The following PTPN14 variants were observed in gnomAD, a reference collection of about 807,000 sequenced individuals.
The protein encoded by PTPN14 is tyrosine-protein phosphatase non-receptor type 14.
PTPN14 carries 53 observed loss-of-function variants against 126.8 expected under a neutral mutation model. The ratio of observed to expected loss-of-function variants is 0.42; its 90% CI spans 0.34 to 0.53. The LOEUF (loss-of-function observed/expected upper bound fraction) is 0.53. PTPN14 is among the 20% of genes least tolerant of loss of function. The pLI is 0.08. For missense variants in PTPN14, 1,257 were observed against 1,552.9 expected, an observed-to-expected ratio of 0.81 and a Z score of 3.20; for synonymous variants, 630 against 599.3, an observed-to-expected ratio of 1.05 and a Z score of -0.75.
intron 1 of PTPN14, among the ~76,000 whole-genome samples, chr1:214,535,172 G>A (rs576079605): frequency 5.9e-5 from 9 of 152,202 alleles, no homozygotes; most frequent in African/African-American, 2.2e-4. Context: ...TGTCAATGAA[G>A]TATCTGTTTA....
chr1:214,418,289 A>G (rs1388458341), intron 3 of PTPN14, among the ~76,000 whole-genome samples: 3 of 152,250 alleles, frequency 2.0e-5, no homozygotes, highest in Non-Finnish European at 2.9e-5. Context: ...GGTGGGCAGC[A>G]AATAAACCTT....
chr1:214,505,544 G>A (rs572398283), intron 1 of PTPN14, among the ~76,000 whole-genome samples: 2 of 152,286 alleles, frequency 1.3e-5, no homozygotes, highest in South Asian at 4.1e-4. Flanking sequence ...AGCAGCCTCA[G>A]AACTTTCTCA....
chr1:214,396,897 A>G (rs1160239621), intron 8 of PTPN14, among the ~76,000 whole-genome samples: 1 of 152,234 alleles, frequency 6.6e-6, no homozygotes, highest in Non-Finnish European at 1.5e-5. Flanking sequence ...GCACATATTT[A>G]CATATTTTCC....
intron 8 of PTPN14, among the ~76,000 whole-genome samples, chr1:214,396,853 T>C (rs887824900): frequency 3.3e-5 from 5 of 152,214 alleles, no homozygotes; most frequent in African/African-American, 7.2e-5. Flanking sequence ...CTGGATAGCT[T>C]TGAATGGGTA....
rs992941500 is a variant in PTPN14 at position 214,492,183 on chromosome 1, T to TA, written c.-154-27227dup. On this transcript the variant is annotated intron_variant, in intron 1 of 18. Coordinates refer to ENST00000366956, the MANE Select transcript of PTPN14 (RefSeq NM_005401.5). ...CCTATCAAATGCAGGATACTGTGTT[T>TA]AAAAAAAAAAAGAAAAAGAAAAACT... Among the ~76,000 whole-genome samples the TA allele has an allele frequency of 3.6e-3, 520 of 145,546 alleles. 2 individuals carry two copies. Among genetic ancestry groups the TA allele is most frequent in the Non-Finnish European group, 5.9e-3 (390 of 65,890 alleles).
intron 1 of PTPN14, among the ~76,000 whole-genome samples, chr1:214,533,870 G>GA (rs946834434): frequency 1.3e-4 from 18 of 142,234 alleles, no homozygotes; most frequent in East Asian, 4.2e-4. Flanking sequence ...GAGAGAAAAA[G>GA]AAAAAAAAAA....
chr1:214,472,132 T>C (rs184259089), intron 1 of PTPN14, among the ~76,000 whole-genome samples: 164 of 152,330 alleles, frequency 1.1e-3, no homozygotes, highest in Non-Finnish European at 2.0e-3. Flanking sequence ...ATGTTTCTCA[T>C]TGATATGGTT....
In PTPN14 at chr1:214,484,702, C is replaced by T. The variant is rs969809875; in HGVS notation, c.-154-19745G>A. On this transcript the variant is annotated intron_variant, in intron 1 of 18. Transcript: ENST00000366956. ...ACAAGGTACCAGGTGTTTTGTTTTG[C>T]GAGGGAAATGGGTAGGTTATGGGTA... 2.6e-5 allele frequency among the ~76,000 whole-genome samples: 4 copies of T among 152,126 alleles called. 1 individual carries two copies. Among genetic ancestry groups the T allele is most frequent in the South Asian group, 2.1e-4 (1 of 4,828 alleles).
intron 3 of PTPN14, among the ~76,000 whole-genome samples, chr1:214,417,912 C>T (rs1400764655): frequency 6.6e-6 from 1 of 152,134 alleles, no homozygotes; most frequent in Non-Finnish European, 1.5e-5. Flanking sequence ...AAAGCCTTGG[C>T]ATCTGATTTT....
In PTPN14 at chr1:214,523,850, C is replaced by CTTTTT. The variant is rs1286518641; in HGVS notation, c.-155+27328_-155+27332dup. Among the ~76,000 whole-genome samples, 430 of 134,470 alleles carry CTTTTT rather than the reference C, an allele frequency of 3.2e-3. 7 individuals are homozygous for CTTTTT. The highest frequency in any genetic ancestry group is 0.01 in the African/African-American group (362 of 35,966). 88.2% of individuals were successfully genotyped at this position (134,470 alleles called of 152,430 possible). A position where few individuals can be genotyped will look rare whatever the true frequency, so the allele number is the denominator to read the frequency against. On this transcript the variant is annotated intron_variant, in intron 1 of 18. Coordinates refer to ENST00000366956, the MANE Select transcript of PTPN14 (RefSeq NM_005401.5). ...AATAGTATTTGAGAGTAATCAGATTCTTTTTTTTTTTTTTTTTGAGATAGA... is the reference window on the plus strand; with the variant it reads ...AATAGTATTTGAGAGTAATCAGATTCTTTTTTTTTTTTTTTTTTTTTTGAGATAGA...
intron 1 of PTPN14, among the ~76,000 whole-genome samples, chr1:214,496,296 C>T (rs1417974433): frequency 6.6e-6 from 1 of 152,152 alleles, no homozygotes; most frequent in Non-Finnish European, 1.5e-5. Context: ...GAAGGTCACA[C>T]TGCGGAACAT....
chr1:214,381,140 G>A (rs1348265664), intron 13 of PTPN14, among the ~76,000 whole-genome samples: 1 of 152,196 alleles, frequency 6.6e-6, no homozygotes, highest in African/African-American at 2.4e-5. Flanking sequence ...ATAATGCAAG[G>A]AGCTCTAAGG....
chr1:214,402,273 A>G (rs1460182778), intron 6 of PTPN14, among the ~76,000 whole-genome samples: 1 of 151,632 alleles, frequency 6.6e-6, no homozygotes, highest in African/African-American at 2.4e-5. Flanking sequence ...CCCCATCTCC[A>G]CTAAAAATAC....
chr1:214,479,475 G>T (rs1156363125), intron 1 of PTPN14, among the ~76,000 whole-genome samples: 2 of 151,896 alleles, frequency 1.3e-5, no homozygotes, highest in Non-Finnish European at 2.9e-5. Context: ...AAGTAGCTGG[G>T]ATTACAGGCG....
At chr1:214,547,114 C>T (rs1655992435) in intron 1 of PTPN14, among the ~76,000 whole-genome samples, 1 of 152,148 alleles carries the variant, frequency 6.6e-6, no homozygotes, top group Non-Finnish European at 1.5e-5. Context: ...TGCATCATAT[C>T]CTTTAATTCA....
intron 6 of PTPN14, 113 bp downstream of exon 6, chr1:214,402,770 T>C (rs1356753632): frequency 8.4e-6 from 10 of 1,188,924 alleles, no homozygotes; most frequent in Non-Finnish European, 1.2e-5. Context: ...GTGGAATAAA[T>C]ACAAGTGTGT....
chr1:214,533,223 G>T, intron 1 of PTPN14: 1 of 669,070 alleles, frequency 1.5e-6, no homozygotes. Context: ...CGTCAGGGCT[G>T]GCCCAGACCC....
At chr1:214,498,708 G>A (rs1159550031) in intron 1 of PTPN14, among the ~76,000 whole-genome samples, 1 of 152,150 alleles carries the variant, frequency 6.6e-6, no homozygotes, top group East Asian at 1.9e-4. Context: ...ATATATTGCT[G>A]ATAATTTGGT....
At chr1:214,499,227 G>A (rs1375664688) in intron 1 of PTPN14, among the ~76,000 whole-genome samples, 4 of 152,108 alleles carry the variant, frequency 2.6e-5, no homozygotes, top group Non-Finnish European at 5.9e-5. Context: ...CCACAGAGAG[G>A]TTATGTGGAC....
Sources: allele counts gnomAD v4.1 joint callset (sites outside exome capture counted in the v4.1 genomes callset), GRCh38; gene constraint gnomAD v4.1.1; transcripts MANE v1.5; gene names NCBI Gene and HGNC (gene_info 2026-07-23, HGNC 2026-07-21).